The following PSMG4 variants were observed in gnomAD, a reference collection of about 807,000 sequenced individuals.
PSMG4 encodes the protein proteasome (prosome, macropain) assembly chaperone 4.
In PSMG4, 10 loss-of-function variants were observed where a neutral mutation model predicts 11.0. The observed-to-expected ratio is 0.91, with a 90% confidence interval of 0.56 to 1.54. The LOEUF (loss-of-function observed/expected upper bound fraction) is 1.54, where lower values mean the gene tolerates loss of function less well. PSMG4 is among the 40% of genes most tolerant of loss of function. PSMG4 has a pLI of 0.00. For synonymous variants in PSMG4, 95 were observed against 71.3 expected (o/e 1.33, Z -1.68); for missense variants, 198 against 160.9 (o/e 1.23, Z -1.25).
chr6:3,257,765 T>C (rs1272805144), upstream of PSMG4, among the ~76,000 whole-genome samples: 4 of 152,232 alleles, frequency 2.6e-5, no homozygotes, highest in East Asian at 7.7e-4. Context: ...GAGGGAGTAC[T>C]GGACGCGTTC....
chr6:3,260,186 C>T (rs1364828703), intron 1 of PSMG4, among the ~76,000 whole-genome samples: 2 of 108,804 alleles, frequency 1.8e-5, no homozygotes, highest in Non-Finnish European at 4.3e-5. Flanking sequence ...TGATGATCCT[C>T]CTTCCTCAGT....
At chr6:3,255,140 T>C (rs1400024014), upstream of PSMG4, 7 of 1,550,890 alleles carry the variant, frequency 4.5e-6, no homozygotes, top group South Asian at 7.1e-5. Flanking sequence ...TTGGTCATTC[T>C]CTTTGAGGAG....
At chr6:3,258,801 G>A (rs1376301040), upstream of PSMG4, 5 of 390,858 alleles carry the variant, frequency 1.3e-5, no homozygotes, top group African/African-American at 1.0e-4. Flanking sequence ...AAGACAACCA[G>A]GGACAGCTAC....
upstream of PSMG4, chr6:3,255,220 ATCAAC>A: frequency 6.5e-7 from 1 of 1,549,862 alleles, no homozygotes; most frequent in Non-Finnish European, 8.7e-7. Flanking sequence ...CAGGAGCAAA[ATCAAC>A]TCTGGTAAGC....
chr6:3,254,484 T>G (rs1253331162), upstream of PSMG4, among the ~76,000 whole-genome samples: 5 of 152,160 alleles, frequency 3.3e-5, no homozygotes, highest in African/African-American at 1.2e-4. Context: ...TAAATATTGT[T>G]GCTGGTGGTT....
At chr6:3,263,286 C>G (rs971542438) in intron 1 of PSMG4, among the ~76,000 whole-genome samples, 1 of 152,230 alleles carries the variant, frequency 6.6e-6, no homozygotes, top group South Asian at 2.1e-4. Context: ...CTGTGGGGCA[C>G]GAGGCACCAG....
At chr6:3,255,500 T>C (rs952880933), upstream of PSMG4, among the ~76,000 whole-genome samples, 1 of 152,166 alleles carries the variant, frequency 6.6e-6, no homozygotes, top group Non-Finnish European at 1.5e-5. Flanking sequence ...CTAAACTGCC[T>C]GGCCAGGTCA....
chr6:3,259,899 TAAGA>T (rs1456087092), intron 1 of PSMG4, among the ~76,000 whole-genome samples: 1 of 152,182 alleles, frequency 6.6e-6, no homozygotes, highest in East Asian at 1.9e-4. Flanking sequence ...GAGGCAGCTG[TAAGA>T]AAGTGCCACA....
upstream of PSMG4, among the ~76,000 whole-genome samples, chr6:3,255,933 A>G (rs1162716826): frequency 4.6e-5 from 7 of 152,348 alleles, no homozygotes; most frequent in South Asian, 2.1e-4. Flanking sequence ...GTCACGTACC[A>G]TGTACCTATG....
At chr6:3,267,490 C>T (rs1758240523) in intron 2 of PSMG4, 101 bp from the exon 3 acceptor site, 1 of 1,378,790 alleles carries the variant, frequency 7.3e-7, no homozygotes, top group Middle Eastern at 1.9e-4. Context: ...CCCTACAACC[C>T]CATCCTCTTT....
upstream of PSMG4, among the ~76,000 whole-genome samples, chr6:3,255,745 C>T (rs528294064): frequency 3.3e-5 from 5 of 152,346 alleles, no homozygotes; most frequent in East Asian, 3.9e-4. Flanking sequence ...TGGCAGTGGG[C>T]AAATGCACCA....
At chr6:3,255,006 A>T (rs547264286), upstream of PSMG4, 21 of 1,543,312 alleles carry the variant, frequency 1.4e-5, no homozygotes, top group South Asian at 2.0e-4. Context: ...GCGCACTCCC[A>T]TGTGGGAGCG....
chr6:3,263,914 TA>T, intron 2 of PSMG4, 155 bp downstream of exon 2: 1 of 1,433,876 alleles, frequency 7.0e-7, no homozygotes, highest in South Asian at 1.5e-5. Flanking sequence ...CGTTGGGTCT[TA>T]TTTAAGGGGC....
At chr6:3,254,584 C>G (rs192623452), upstream of PSMG4, among the ~76,000 whole-genome samples, 3 of 151,824 alleles carry the variant, frequency 2.0e-5, no homozygotes, top group East Asian at 1.9e-4. Flanking sequence ...GGGAACCCAA[C>G]GATGGAAGTA....
chr6:3,255,365 G>A (rs1398577087), upstream of PSMG4: 18 of 1,433,508 alleles, frequency 1.3e-5, no homozygotes, highest in Non-Finnish European at 1.7e-5. Context: ...AATTTTTCCT[G>A]TGGTGGATGA....
upstream of PSMG4, among the ~76,000 whole-genome samples, chr6:3,254,585 G>A (rs183073031): frequency 3.2e-4 from 49 of 152,234 alleles, no homozygotes; most frequent in East Asian, 1.5e-3. Context: ...GGAACCCAAC[G>A]ATGGAAGTAA....
chr6:3,261,599 G>C (rs979673817), intron 1 of PSMG4, among the ~76,000 whole-genome samples: 1 of 152,226 alleles, frequency 6.6e-6, no homozygotes, highest in Non-Finnish European at 1.5e-5. Flanking sequence ...GGGATTGATT[G>C]AGTTACCTGA....
chr6:3,262,889 A>T (rs1160819176), intron 1 of PSMG4, among the ~76,000 whole-genome samples: 1 of 148,624 alleles, frequency 6.7e-6, no homozygotes, highest in African/African-American at 2.5e-5. Flanking sequence ...TTCATTGTCC[A>T]GGCTGGTCTC....
chr6:3,258,874 C>T (rs547424149), upstream of PSMG4: 3 of 753,538 alleles, frequency 4.0e-6, no homozygotes, highest in Non-Finnish European at 3.6e-6. Flanking sequence ...CGGGATCGCC[C>T]CTCCCCGACC....
Sources: gnomAD v4.1 joint callset for allele counts (sites outside exome capture counted in the v4.1 genomes callset) on GRCh38, gnomAD v4.1.1 for gene constraint, MANE v1.5 for transcripts, NCBI Gene and HGNC (gene_info 2026-07-23, HGNC 2026-07-21) for gene names.